TMEM232: variants seen among roughly 807,000 people sequenced by gnomAD.
TMEM232 encodes the protein transmembrane protein 232.
A neutral mutation model predicts 78.8 loss-of-function variants in TMEM232; 80 were observed. That is an observed-to-expected ratio of 1.01 (90% CI 0.85 to 1.22). TMEM232 has a LOEUF of 1.22. Among genes scored for constraint, TMEM232 ranks in the 50% most tolerant of loss-of-function variants. TMEM232 has a pLI of 0.00. For missense variants in TMEM232, 881 were observed against 742.2 expected (o/e 1.19, Z -2.17); for synonymous variants, 297 against 254.3 (o/e 1.17, Z -1.60).
At chr5:110,593,905 C>A (rs1022797173) in intron 10 of TMEM232, among the ~76,000 whole-genome samples, 1 of 151,928 alleles carries the variant, frequency 6.6e-6, no homozygotes, top group Non-Finnish European at 1.5e-5. Flanking sequence ...ACATTGAATG[C>A]CTGTATCAAA....
chr5:110,632,028 T>A (rs1173804129), intron 5 of TMEM232, among the ~76,000 whole-genome samples: 1 of 152,012 alleles, frequency 6.6e-6, no homozygotes, highest in Non-Finnish European at 1.5e-5. Context: ...TTGCCACCAC[T>A]GGGGACCAAA....
At chr5:110,619,849 T>C (rs1369804834) in intron 7 of TMEM232, among the ~76,000 whole-genome samples, 4 of 152,110 alleles carry the variant, frequency 2.6e-5, no homozygotes, top group Non-Finnish European at 4.4e-5. Context: ...CACACCAAGA[T>C]GGCACATGTA....
intron 2 of TMEM232, among the ~76,000 whole-genome samples, chr5:110,406,273 C>CACACAG (rs1304316672): frequency 7.2e-6 from 1 of 138,796 alleles, no homozygotes; most frequent in Non-Finnish European, 1.5e-5. Context: ...TATACACACA[C>CACACAG]ACACACACAC....
intron 2 of TMEM232, among the ~76,000 whole-genome samples, chr5:110,649,204 G>A (rs962041453): frequency 1.3e-5 from 2 of 151,930 alleles, no homozygotes; most frequent in Non-Finnish European, 2.9e-5. Flanking sequence ...GCATAAAACT[G>A]TAAAGAAAAA....
intron 10 of TMEM232, 136 bp downstream of exon 10, chr5:110,604,973 A>G (rs1363433707): frequency 1.1e-5 from 11 of 1,036,438 alleles, no homozygotes; most frequent in Non-Finnish European, 1.2e-5. Context: ...AAATCATGCT[A>G]TATTCTTCCA....
chr5:110,445,647 G>T (rs1157366466), intron 12 of TMEM232, among the ~76,000 whole-genome samples: 1 of 152,068 alleles, frequency 6.6e-6, no homozygotes, highest in East Asian at 1.9e-4. Context: ...TCTGGCACAG[G>T]GTCTCTCCAA....
chr5:110,635,487 C>A (rs570908849), intron 5 of TMEM232, among the ~76,000 whole-genome samples: 3 of 152,014 alleles, frequency 2.0e-5, no homozygotes, highest in African/African-American at 7.2e-5. Flanking sequence ...TAATACAACA[C>A]GATCAAATTG....
At chr5:110,433,245 C>T (rs1281422569) in intron 12 of TMEM232, among the ~76,000 whole-genome samples, 1 of 151,706 alleles carries the variant, frequency 6.6e-6, no homozygotes, top group East Asian at 1.9e-4. Flanking sequence ...AAGCAAGTCT[C>T]AATAGATTTT....
At chr5:110,462,930 G>T (rs1761696605) in intron 12 of TMEM232, among the ~76,000 whole-genome samples, 2 of 152,156 alleles carry the variant, frequency 1.3e-5, no homozygotes, top group South Asian at 2.1e-4. Context: ...ATGAGCAAAA[G>T]AAATGGTTTC....
At chr5:110,719,301 T>C (rs1376227148) in intron 1 of TMEM232, among the ~76,000 whole-genome samples, 2 of 152,000 alleles carry the variant, frequency 1.3e-5, no homozygotes, top group Non-Finnish European at 2.9e-5. Context: ...ACATATATAA[T>C]TATGCATGTG....
chr5:110,607,864 A>T (rs1443369625), intron 8 of TMEM232, among the ~76,000 whole-genome samples: 2 of 151,942 alleles, frequency 1.3e-5, no homozygotes, highest in Non-Finnish European at 2.9e-5. Context: ...CATAAGGCAC[A>T]GCAGCCTTCT....
chr5:110,618,072 C>A (rs924237828), intron 8 of TMEM232: 1 of 198,598 alleles, frequency 5.0e-6, no homozygotes, highest in Non-Finnish European at 1.0e-5. Flanking sequence ...AATACAGTAT[C>A]AGTATATTTT....
At chr5:110,419,331 A>G (rs1756431327), downstream of TMEM232, among the ~76,000 whole-genome samples, 1 of 152,180 alleles carries the variant, frequency 6.6e-6, no homozygotes, top group Admixed American at 6.5e-5. Context: ...TTAGCTATAC[A>G]GGAAATCAAA....
chr5:110,515,975 C>T (rs1768567686), intron 12 of TMEM232, among the ~76,000 whole-genome samples: 1 of 152,162 alleles, frequency 6.6e-6, no homozygotes, highest in African/African-American at 2.4e-5. Flanking sequence ...CACGGTGGCT[C>T]ACGCCTGTAA....
intron 11 of TMEM232, among the ~76,000 whole-genome samples, chr5:110,533,283 C>G (rs1056709088): frequency 1.1e-4 from 16 of 152,186 alleles, no homozygotes; most frequent in Non-Finnish European, 2.9e-5. Flanking sequence ...GCATAATTCT[C>G]ATAAAAGCAC....
chr5:110,432,403 G>GA (rs1757958008), intron 12 of TMEM232, among the ~76,000 whole-genome samples: 1 of 151,580 alleles, frequency 6.6e-6, no homozygotes, highest in South Asian at 2.1e-4. Context: ...AAACGAAGGA[G>GA]AATGAAGTTT....
rs61743145 is a variant in TMEM232 at position 110,420,734 on chromosome 5, C to G, written c.1820G>C (p.Arg607Pro). 2.0e-6 allele frequency: 3 copies of G among 1,522,202 alleles called. No homozygotes were observed. In the African/African-American group the frequency reaches 4.2e-5, roughly 21 times the overall value. 94.3% of individuals were successfully genotyped at this position (1,522,202 alleles called of 1,614,324 possible). Residue 607 changes from arginine to proline, a missense_variant, in exon 14 of 14, where the codon CGA becomes CCA. Physicochemically the swap from Arg to Pro is moderately radical, Grantham distance 103. Coordinates refer to ENST00000455884, the MANE Select transcript of TMEM232 (RefSeq NM_001039763.4). ...CTTGCATATTGCATCTTCTTTTTCT[C>G]GGATCTTTAGCTCTTCCTGCCACTG... ...DHHWQEELKI[R>P]EKEDAICKAQ... is the part of the protein sequence containing the mutation.
intron 7 of TMEM232, among the ~76,000 whole-genome samples, chr5:110,622,796 A>G (rs1023237755): frequency 6.6e-6 from 1 of 150,396 alleles, no homozygotes; most frequent in African/African-American, 2.5e-5. Context: ...GAACAATGAG[A>G]ACACATGGAC....
In TMEM232 at chr5:110,391,324, T is replaced by TGA. The variant is rs1235654874; in HGVS notation, n.391-685_391-684insTC. On this transcript the variant is annotated intron_variant and non_coding_transcript_variant, in intron 3 of 8. Transcript: ENST00000507188. ...GTGTGTGTGTGTGTGTGTGTGTGTG[T>TGA]GTGAGAGAGAGAGAGAGAGAGAGAA... Among the ~76,000 whole-genome samples the TGA allele has an allele frequency of 2.5e-3, 329 of 132,374 alleles. 1 individual carries two copies. Among genetic ancestry groups the TGA allele is most frequent in the African/African-American group, 1.0e-2 (301 of 30,134 alleles). 86.8% of individuals were successfully genotyped at this position (132,374 alleles called of 152,430 possible).
Sources: allele counts gnomAD v4.1 joint callset (sites outside exome capture counted in the v4.1 genomes callset), GRCh38; gene constraint gnomAD v4.1.1; transcripts MANE v1.5; gene names NCBI Gene and HGNC (gene_info 2026-07-23, HGNC 2026-07-21).